The following GLS variants were observed in gnomAD, a reference collection of about 807,000 sequenced individuals.
GLS encodes glutaminase, also known as glutaminase kidney isoform, mitochondrial.
In GLS, 36 loss-of-function variants were observed where a neutral mutation model predicts 86.7. The observed-to-expected ratio is 0.42, with a 90% CI of 0.32 to 0.55. GLS has a LOEUF of 0.55. Ranked by LOEUF, GLS falls within the 20% of genes least tolerant of loss-of-function variation. The probability of loss-of-function intolerance (pLI) is 0.17; values close to 1 mark genes in which losing one functional copy is unlikely to be tolerated. For synonymous variants in GLS, 317 were observed against 305.9 expected, an observed-to-expected ratio of 1.04 and a Z score of -0.38; for missense variants, 528 against 833.4, an observed-to-expected ratio of 0.63 and a Z score of 4.51.
At chr2:190,936,852 A>T (rs1690284515) in intron 14 of GLS, among the ~76,000 whole-genome samples, 2 of 151,320 alleles carry the variant, frequency 1.3e-5, no homozygotes, top group Admixed American at 1.3e-4. Flanking sequence ...CTGTTTTACT[A>T]TTCATCTGTA....
At chr2:190,927,680 T>C (rs1320249349) in intron 12 of GLS, 198 bp downstream of exon 12, 6 of 473,600 alleles carry the variant, frequency 1.3e-5, no homozygotes, top group Admixed American at 7.8e-5. Flanking sequence ...CTTGGAAGTT[T>C]GATTTATAGA....
At chr2:190,891,294 TA>T (rs1250763291) in intron 1 of GLS, among the ~76,000 whole-genome samples, 1 of 152,150 alleles carries the variant, frequency 6.6e-6, no homozygotes, top group African/African-American at 2.4e-5. Context: ...TCTTTATTGC[TA>T]TTGCTTGGCA....
chr2:190,885,287 G>A (rs563586308), intron 1 of GLS, among the ~76,000 whole-genome samples: 1 of 151,970 alleles, frequency 6.6e-6, no homozygotes, highest in Non-Finnish European at 1.5e-5. Flanking sequence ...TGCCTCCCGG[G>A]TTCAAGCCAT....
intron 6 of GLS, among the ~76,000 whole-genome samples, chr2:190,906,776 T>G (rs1689152081): frequency 6.6e-6 from 1 of 152,132 alleles, no homozygotes; most frequent in Non-Finnish European, 1.5e-5. Context: ...AGATTTTTGG[T>G]GAAACCATAC....
intron 14 of GLS, among the ~76,000 whole-genome samples, chr2:190,945,787 A>C (rs1263630655): frequency 6.6e-6 from 1 of 152,126 alleles, no homozygotes; most frequent in Admixed American, 6.6e-5. Flanking sequence ...TTTAAAGTGA[A>C]ATTTCTGTAA....
At position 190,901,923 on chromosome 2, in the gene GLS, A is replaced by G. The variant is rs372566344; in HGVS notation, c.736-24A>G. On this transcript the variant is annotated intron_variant, in intron 4 of 17. Transcript: ENST00000320717. Reference sequence around the variant, plus strand: ...TTATTTGTCAATATTATATCTATTCATTTCTTTCCAATCTTTTGGATAGGT... The same window carrying G: ...TTATTTGTCAATATTATATCTATTCGTTTCTTTCCAATCTTTTGGATAGGT... 8.5e-6 allele frequency: 12 copies of G among 1,419,470 alleles called. No homozygotes were observed. In the East Asian group the frequency reaches 1.4e-4, roughly 16 times the overall value. 87.9% of individuals were successfully genotyped at this position (1,419,470 alleles called of 1,614,324 possible). A position where few individuals can be genotyped will look rare whatever the true frequency, so the allele number is the denominator to read the frequency against.
Position 190,955,126 on chromosome 2 carries a change from TAAA to T in GLS, c.1853+316_1853+318del, listed in dbSNP as rs578050820. ...ATTGGAATTTTATCCTCATGGATTT[TAAA>T]AAAAAAATTTTTAAATTACACTTTA... On this transcript the variant is annotated intron_variant, in intron 17 of 17. Transcript: ENST00000320717. The surrounding 1 kb of genome is among the most constrained non-coding windows in gnomAD (Gnocchi z 5.6). Among the ~76,000 whole-genome samples the T allele has an allele frequency of 6.0e-3, 901 of 151,048 alleles. 16 individuals carry two copies. The highest frequency in any genetic ancestry group is 0.019 in the African/African-American group (799 of 41,142).
chr2:190,934,891 G>A (rs1690223977), intron 14 of GLS: 1 of 978,692 alleles, frequency 1.0e-6, no homozygotes, highest in African/African-American at 1.8e-5. Flanking sequence ...CTGCGAATAG[G>A]CCCTCAAACT....
intron 14 of GLS, chr2:190,934,168 G>T: frequency 2.0e-6 from 2 of 982,982 alleles, no homozygotes; most frequent in East Asian, 2.3e-4. Context: ...AGAAAAACTT[G>T]GTGGTTTCTT....
Position 190,949,986 on chromosome 2 carries a change from A to T in GLS, c.1651-3579A>T, listed in dbSNP as rs967049544. Among the ~76,000 whole-genome samples, 18 of 145,106 alleles carry T rather than the reference A, an allele frequency of 1.2e-4. No individual in the cohort carries two copies. Among genetic ancestry groups the T allele is most frequent in the African/African-American group, 4.7e-4 (17 of 36,110 alleles). On this transcript the variant is annotated intron_variant, in intron 14 of 17. Coordinates refer to ENST00000320717, the MANE Select transcript of GLS (RefSeq NM_014905.5). This position sits in a 1 kb window ranked among gnomAD's most constrained non-coding sequence, Gnocchi z 4.0. ...AAATATAGTTAAAAAGGATATAGTT[A>T]ACAATACAATATATATATATATATG...
chr2:190,921,159 G>A lies in GLS; in HGVS notation c.1086G>A (p.Leu362=). The change falls in exon 9 of 18, where the codon TTG becomes TTA. Residue 362 remains leucine (L), a synonymous_variant. Coordinates refer to ENST00000320717, the MANE Select transcript of GLS (RefSeq NM_014905.5). The surrounding 1 kb of genome is among the most constrained non-coding windows in gnomAD (Gnocchi z 4.2). ...AEKFDYVMQF[L]NKMAGNEYVG... ...TTGGTTTCTAGGTCATGCAGTTTTTGAATAAGATGGCTGGTAATGAATATG... is the reference window on the plus strand; with the variant it reads ...TTGGTTTCTAGGTCATGCAGTTTTTAAATAAGATGGCTGGTAATGAATATG... 6.2e-7 allele frequency: 1 copy of A among 1,608,626 alleles called. No individual in the cohort carries two copies. Among genetic ancestry groups the A allele is most frequent in the Non-Finnish European group, 8.5e-7 (1 of 1,175,526 alleles).
chr2:190,961,794 CTG>C (rs1013971878), intron 17 of GLS, among the ~76,000 whole-genome samples: 3 of 149,354 alleles, frequency 2.0e-5, no homozygotes, highest in Non-Finnish European at 3.0e-5. Flanking sequence ...AAAAATGAGA[CTG>C]TTTTAAAAAC....
At chr2:190,958,790 T>C (rs1189094397) in intron 17 of GLS, among the ~76,000 whole-genome samples, 1 of 152,148 alleles carries the variant, frequency 6.6e-6, no homozygotes, top group Non-Finnish European at 1.5e-5. Flanking sequence ...AAAACTGTTA[T>C]GATTTTTGTT....
rs769104493 is a variant in GLS, at chr2:190,910,220, G to GT, written c.980-40dup. On this transcript the variant is annotated intron_variant, in intron 6 of 17. Transcript: ENST00000320717. ...TTTAGTATAGTAATATTACTCAAGT[G>GT]TTTAAGTATTTGAAATAATGGTATT... The GT allele has an allele frequency of 1.8e-4, 198 of 1,091,118 alleles. 3 individuals are homozygous for GT. Among genetic ancestry groups the GT allele is most frequent in the Middle Eastern group, 1.4e-3 (7 of 4,856 alleles). 67.6% of individuals were successfully genotyped at this position (1,091,118 alleles called of 1,614,324 possible). A position where few individuals can be genotyped will look rare whatever the true frequency, so the allele number is the denominator to read the frequency against.
chr2:190,930,082 T>C lies in GLS; in HGVS notation c.1426-355T>C, dbSNP rs564419313. 6.6e-6 allele frequency among the ~76,000 whole-genome samples: 1 copy of C among 152,160 alleles called. No homozygotes were observed. The highest frequency in any genetic ancestry group is 6.5e-5 in the Admixed American group (1 of 15,296). On this transcript the variant is annotated intron_variant, in intron 12 of 17. Transcript: ENST00000320717. The surrounding 1 kb of genome is among the most constrained non-coding windows in gnomAD (Gnocchi z 5.0). ...ATTTCCCAATTGTGTTTTTTTTTTT[T>C]TTGAAACTGGATCTTGCTCTGTCAT... is the stretch of plus-strand genomic sequence containing the variant.
chr2:190,957,266 A>G (rs1690882061), intron 17 of GLS, among the ~76,000 whole-genome samples: 2 of 151,986 alleles, frequency 1.3e-5, no homozygotes, highest in Admixed American at 6.6e-5. Flanking sequence ...TAATTTTTGT[A>G]TTTTTAGTAG....
At chr2:190,957,210 C>T (rs1028568203) in intron 17 of GLS, among the ~76,000 whole-genome samples, 3 of 152,206 alleles carry the variant, frequency 2.0e-5, no homozygotes, top group Non-Finnish European at 4.4e-5. Flanking sequence ...CCTGCCTCAG[C>T]CTCCCGAGTA....
chr2:190,902,063 GC>G, intron 5 of GLS, 37 bp downstream of exon 5: 1 of 1,218,306 alleles, frequency 8.2e-7, no homozygotes, highest in Non-Finnish European at 1.2e-6. Context: ...CCAACTCTAA[GC>G]CTTAACTTTT....
rs184209206 is a variant in GLS, at chr2:190,951,442, A to G, written c.1651-2123A>G. Among the ~76,000 whole-genome samples, 222 of 152,276 alleles carry G rather than the reference A, an allele frequency of 1.5e-3. 2 individuals carry two copies. The highest frequency in any genetic ancestry group is 2.7e-3 in the Non-Finnish European group (183 of 68,026). On this transcript the variant is annotated intron_variant, in intron 14 of 17. Transcript: ENST00000320717. The surrounding 1 kb of genome is among the most constrained non-coding windows in gnomAD (Gnocchi z 4.2). ...ATGAAATTGTGTCTGTTTTAAGGTA[A>G]ACTGAGAGAACCAATGAAAGAGGAA...
Sources: gnomAD v4.1 joint callset for allele counts (sites outside exome capture counted in the v4.1 genomes callset) on GRCh38, gnomAD v4.1.1 for gene constraint, Gnocchi (gnomAD v3.1) non-coding constraint, MANE v1.5 for transcripts, NCBI Gene and HGNC (gene_info 2026-07-23, HGNC 2026-07-21) for gene names.